The following CSNK2A2IP variants were observed in gnomAD, a reference collection of about 807,000 sequenced individuals.
CSNK2A2IP encodes casein kinase II subunit alpha'-interacting protein.
the CSNK2A2IP span, among the ~76,000 whole-genome samples, chr3:88,341,945 GAA>G: frequency 6.6e-6 from 1 of 151,882 alleles, no homozygotes; most frequent in African/African-American, 2.4e-5. Flanking sequence ...GAGGATTATA[GAA>G]AATTAAATGT....
the CSNK2A2IP span, among the ~76,000 whole-genome samples, chr3:88,434,213 C>A: frequency 6.6e-6 from 1 of 152,094 alleles, no homozygotes; most frequent in African/African-American, 2.4e-5. Flanking sequence ...TGCACTGTTT[C>A]CTGCTGCGTT....
At chr3:88,462,064 G>A in the CSNK2A2IP span, among the ~76,000 whole-genome samples, 1 of 150,434 alleles carries the variant, frequency 6.6e-6, no homozygotes, top group East Asian at 2.0e-4. Flanking sequence ...TAATTCCATT[G>A]CCTTTTTTTA....
At chr3:88,400,549 T>C in the CSNK2A2IP span, among the ~76,000 whole-genome samples, 4 of 152,132 alleles carry the variant, frequency 2.6e-5, no homozygotes, top group Admixed American at 2.0e-4. Flanking sequence ...CCTAATCTAA[T>C]TGTATAGGTC....
At chr3:88,373,564 T>C in the CSNK2A2IP span, among the ~76,000 whole-genome samples, 1 of 146,778 alleles carries the variant, frequency 6.8e-6, no homozygotes, top group Non-Finnish European at 1.5e-5. Context: ...TCTGCTTTCA[T>C]GGGCTGGAGA....
the CSNK2A2IP span, among the ~76,000 whole-genome samples, chr3:88,414,289 T>A: frequency 7.7e-6 from 1 of 129,836 alleles, no homozygotes; most frequent in Non-Finnish European, 1.6e-5. Context: ...TTTTTTTTTT[T>A]TTTTTTTTTT....
chr3:88,349,386 T>C, the CSNK2A2IP span, among the ~76,000 whole-genome samples: 2 of 152,090 alleles, frequency 1.3e-5, no homozygotes, highest in Non-Finnish European at 2.9e-5. Flanking sequence ...ACATATGGCA[T>C]TTGGTTTTCC....
the CSNK2A2IP span, among the ~76,000 whole-genome samples, chr3:88,364,784 T>C: frequency 2.6e-5 from 4 of 152,142 alleles, no homozygotes; most frequent in Non-Finnish European, 4.4e-5. Context: ...GCTAAATTTA[T>C]CTATGTGGAA....
the CSNK2A2IP span, among the ~76,000 whole-genome samples, chr3:88,383,757 C>T: frequency 3.4e-4 from 51 of 150,754 alleles, no homozygotes; most frequent in African/African-American, 1.1e-3. Flanking sequence ...TCCGCCTCCC[C>T]GGTTCATGCC....
chr3:88,368,247 G>A, the CSNK2A2IP span, among the ~76,000 whole-genome samples: 2 of 152,072 alleles, frequency 1.3e-5, no homozygotes, highest in African/African-American at 2.4e-5. Flanking sequence ...GGATACAGTA[G>A]TAACAAGACA....
chr3:88,352,194 T>C, the CSNK2A2IP span, among the ~76,000 whole-genome samples: 8 of 152,256 alleles, frequency 5.3e-5, no homozygotes, highest in South Asian at 1.7e-3. Context: ...TGTTAGTGAG[T>C]TCATGTTAAC....
the CSNK2A2IP span, among the ~76,000 whole-genome samples, chr3:88,364,292 G>T: frequency 6.6e-6 from 1 of 151,770 alleles, no homozygotes; most frequent in African/African-American, 2.4e-5. Flanking sequence ...TTTTTGGAGG[G>T]CGTATTGCTT....
the CSNK2A2IP span, among the ~76,000 whole-genome samples, chr3:88,359,039 CT>C: frequency 1.6e-3 from 235 of 148,078 alleles, 2 homozygotes; most frequent in African/African-American, 4.5e-3. Context: ...TACGCGTGCT[CT>C]TTTTTTTTGT....
the CSNK2A2IP span, among the ~76,000 whole-genome samples, chr3:88,381,392 A>G: frequency 2.6e-5 from 4 of 152,204 alleles, no homozygotes; most frequent in Admixed American, 2.6e-4. Flanking sequence ...AGGGGCAATG[A>G]GGCTCCTGAA....
At chr3:88,383,657 T>C in the CSNK2A2IP span, among the ~76,000 whole-genome samples, 437 of 112,880 alleles carry the variant, frequency 3.9e-3, 2 homozygotes, top group African/African-American at 9.9e-3. Context: ...CTTTCTTTTT[T>C]TTTTTTTTTT....
the CSNK2A2IP span, among the ~76,000 whole-genome samples, chr3:88,416,271 TA>T: frequency 8.9e-3 from 1,047 of 117,924 alleles, 5 homozygotes; most frequent in African/African-American, 0.02. Context: ...GACTCCCTAT[TA>T]AAAAAAAAAA....
At chr3:88,349,617 C>T in the CSNK2A2IP span, among the ~76,000 whole-genome samples, 1 of 152,014 alleles carries the variant, frequency 6.6e-6, no homozygotes, top group Non-Finnish European at 1.5e-5. Flanking sequence ...GTATCATTTT[C>T]ATATAATGAC....
chr3:88,399,856 A>G, the CSNK2A2IP span: 6 of 152,246 alleles, frequency 3.9e-5, no homozygotes, highest in Non-Finnish European at 7.3e-5. Context: ...TGAACCGGGG[A>G]ACCTGAATCT....
At chr3:88,420,880 C>T in the CSNK2A2IP span, among the ~76,000 whole-genome samples, 1 of 152,122 alleles carries the variant, frequency 6.6e-6, no homozygotes, top group African/African-American at 2.4e-5. Flanking sequence ...TAGGATCTAA[C>T]TCATGTAATG....
At chr3:88,445,430 G>A in the CSNK2A2IP span, among the ~76,000 whole-genome samples, 3 of 151,896 alleles carry the variant, frequency 2.0e-5, no homozygotes, top group African/African-American at 4.8e-5. Flanking sequence ...GCGACAAAAC[G>A]AAACTCTGTA....
Sources: gnomAD v4.1 joint callset for allele counts (sites outside exome capture counted in the v4.1 genomes callset) on GRCh38, gnomAD v4.1.1 for gene constraint, MANE v1.5 for transcripts, NCBI Gene and HGNC (gene_info 2026-07-23, HGNC 2026-07-21) for gene names.